The following RGS7 variants were observed in gnomAD, a reference collection of about 807,000 sequenced individuals.
The protein encoded by RGS7 is regulator of G protein signaling 7.
RGS7 carries 27 observed loss-of-function variants against 81.1 expected under a neutral mutation model. The ratio of observed to expected loss-of-function variants is 0.33; its 90% CI spans 0.25 to 0.46. RGS7 has a LOEUF of 0.46. RGS7 is among the 20% of genes least tolerant of loss of function. The pLI is 1.00. For missense variants in RGS7, 396 were observed against 607.4 expected (o/e 0.65, Z 3.66); for synonymous variants, 208 against 207.7 (o/e 1.00, Z -0.01).
At chr1:241,238,957 CCTCT>C (rs777529991) in intron 2 of RGS7, among the ~76,000 whole-genome samples, 1 of 125,430 alleles carries the variant, frequency 8.0e-6, no homozygotes, top group Non-Finnish European at 1.6e-5. Flanking sequence ...ATAGCTATTG[CCTCT>C]CTCTCTTTTT....
chr1:240,966,696 C>T (rs894189273), intron 4 of RGS7, among the ~76,000 whole-genome samples: 6 of 152,058 alleles, frequency 3.9e-5, no homozygotes, highest in African/African-American at 1.2e-4. Context: ...ATTGATTAAT[C>T]GAAACCTATG....
intron 2 of RGS7, among the ~76,000 whole-genome samples, chr1:241,290,116 C>G (rs1182694497): frequency 6.6e-6 from 1 of 152,138 alleles, no homozygotes; most frequent in Non-Finnish European, 1.5e-5. Context: ...ATTCAAATGT[C>G]ATGTTAGAAA....
At chr1:241,111,874 C>A (rs2065537706) in intron 2 of RGS7, among the ~76,000 whole-genome samples, 1 of 152,136 alleles carries the variant, frequency 6.6e-6, no homozygotes, top group Non-Finnish European at 1.5e-5. Flanking sequence ...AATAAATGTA[C>A]CCATTGTTGA....
chr1:241,254,616 G>T (rs1203359891), intron 2 of RGS7, among the ~76,000 whole-genome samples: 2 of 152,064 alleles, frequency 1.3e-5, no homozygotes, highest in Non-Finnish European at 2.9e-5. Flanking sequence ...TCACCTCGGG[G>T]ATAACGGTTT....
At chr1:241,265,538 C>T (rs1297836180) in intron 2 of RGS7, among the ~76,000 whole-genome samples, 1 of 152,178 alleles carries the variant, frequency 6.6e-6, no homozygotes, top group Non-Finnish European at 1.5e-5. Flanking sequence ...CAGGATGCAG[C>T]CTCCAGGCAA....
intron 6 of RGS7, among the ~76,000 whole-genome samples, chr1:240,895,501 T>C (rs1167361590): frequency 1.3e-5 from 2 of 152,072 alleles, no homozygotes; most frequent in Non-Finnish European, 2.9e-5. Flanking sequence ...TGTGTTCTCA[T>C]TGTTCAATTC....
At chr1:241,232,134 T>C (rs1448308900) in intron 2 of RGS7, among the ~76,000 whole-genome samples, 3 of 152,190 alleles carry the variant, frequency 2.0e-5, no homozygotes, top group Non-Finnish European at 2.9e-5. Flanking sequence ...CAACTGACCA[T>C]ACATATAAAG....
chr1:241,220,977 G>GA lies in RGS7; in HGVS notation c.79-122216_79-122215insT, dbSNP rs1312165796. Among the ~76,000 whole-genome samples, 47 of 74,042 alleles carry GA rather than the reference G, an allele frequency of 6.3e-4. 1 individual carries two copies. The East Asian group carries it at 9.6e-3, about 15-fold the overall frequency. 48.6% of individuals were successfully genotyped at this position (74,042 alleles called of 152,430 possible). A position where few individuals can be genotyped will look rare whatever the true frequency, so the allele number is the denominator to read the frequency against. ...AGGAAGGAAGGAAGGAAGGAAGGAA[G>GA]GAAGGAAGGAAGGAAGGAAGAGAGA... On this transcript the variant is annotated intron_variant, in intron 2 of 18. Coordinates refer to ENST00000440928, the MANE Select transcript of RGS7 (RefSeq NM_001364886.1).
chr1:241,038,870 G>A (rs996729253), intron 3 of RGS7, among the ~76,000 whole-genome samples: 9 of 152,122 alleles, frequency 5.9e-5, no homozygotes, highest in African/African-American at 2.2e-4. Context: ...AGAAGGCTGA[G>A]GCAGGAGAAT....
chr1:240,858,698 G>T (rs1661599786), intron 9 of RGS7, among the ~76,000 whole-genome samples: 1 of 152,124 alleles, frequency 6.6e-6, no homozygotes, highest in Admixed American at 6.5e-5. Context: ...TAGAGTAAAA[G>T]ATTTTAATTT....
chr1:240,826,802 C>T (rs1692913327), intron 10 of RGS7, among the ~76,000 whole-genome samples: 1 of 152,026 alleles, frequency 6.6e-6, no homozygotes, highest in South Asian at 2.1e-4. Flanking sequence ...TTTTAGATGT[C>T]CCCCTTTCCT....
intron 6 of RGS7, among the ~76,000 whole-genome samples, chr1:240,893,786 C>T (rs67405529): frequency 0.13 from 19,436 of 152,092 alleles, 1,355 homozygotes; most frequent in Middle Eastern, 0.18. Context: ...TTAAAAGTTA[C>T]TAAGCATATG....
chr1:241,000,856 C>A (rs1688044834), intron 3 of RGS7, among the ~76,000 whole-genome samples: 2 of 147,084 alleles, frequency 1.4e-5, no homozygotes, highest in African/African-American at 2.5e-5. Context: ...AGTGTTTCAC[C>A]ATGTTGGCCA....
intron 9 of RGS7, among the ~76,000 whole-genome samples, chr1:240,866,840 T>C (rs1031384123): frequency 2.6e-5 from 4 of 152,008 alleles, no homozygotes; most frequent in African/African-American, 9.7e-5. Context: ...GAGCATGAAA[T>C]AGACGTGGGC....
At chr1:241,305,470 A>G (rs1429324555) in intron 2 of RGS7, 7 of 151,822 alleles carry the variant, frequency 4.6e-5, no homozygotes, top group African/African-American at 1.5e-4. Flanking sequence ...TAAAAAGAAG[A>G]GCATAATCTT....
intron 3 of RGS7, among the ~76,000 whole-genome samples, chr1:240,990,404 T>G (rs971206643): frequency 6.6e-6 from 1 of 152,350 alleles, no homozygotes; most frequent in South Asian, 2.1e-4. Flanking sequence ...TTTTGTTCTA[T>G]GAACTTATTA....
At chr1:241,168,571 C>T (rs1281374316) in intron 2 of RGS7, among the ~76,000 whole-genome samples, 1 of 152,150 alleles carries the variant, frequency 6.6e-6, no homozygotes, top group Non-Finnish European at 1.5e-5. Flanking sequence ...GGGGTTATCA[C>T]TCCCCTGACT....
chr1:240,947,141 TTA>T (rs1678771120), intron 4 of RGS7, among the ~76,000 whole-genome samples: 1 of 152,152 alleles, frequency 6.6e-6, no homozygotes, highest in African/African-American at 2.4e-5. Flanking sequence ...GAGTACTGCA[TTA>T]TATGGGGCAA....
chr1:240,931,369 G>A (rs547878305), intron 5 of RGS7, among the ~76,000 whole-genome samples: 5 of 152,058 alleles, frequency 3.3e-5, no homozygotes, highest in East Asian at 3.9e-4. Context: ...CCATTTAGTC[G>A]TGCAACAGGG....
Sources: gnomAD v4.1 joint callset for allele counts (sites outside exome capture counted in the v4.1 genomes callset) on GRCh38, gnomAD v4.1.1 for gene constraint, MANE v1.5 for transcripts, NCBI Gene and HGNC (gene_info 2026-07-23, HGNC 2026-07-21) for gene names.